Variants in SNTG1 observed in about 807,000 individuals in gnomAD.
SNTG1 encodes the protein gamma-1-syntrophin.
A neutral mutation model predicts 74.7 loss-of-function variants in SNTG1; 39 were observed. That is an observed-to-expected ratio of 0.52 (90% CI 0.40 to 0.68). SNTG1 has a LOEUF of 0.68. Among genes scored for constraint, SNTG1 ranks in the 30% least tolerant of loss-of-function variants. The pLI is 0.00. For missense variants in SNTG1, 685 were observed against 609.5 expected (o/e 1.12, Z -1.30); for synonymous variants, 254 against 217.1 (o/e 1.17, Z -1.49).
At chr8:50,652,193 A>C (rs1194046776) in intron 13 of SNTG1, among the ~76,000 whole-genome samples, 1 of 152,176 alleles carries the variant, frequency 6.6e-6, no homozygotes, top group African/African-American at 2.4e-5. Context: ...TTTGAATGGC[A>C]AAACGCATTT....
chr8:49,966,825 A>C (rs1278469884), intron 1 of SNTG1, among the ~76,000 whole-genome samples: 3 of 152,170 alleles, frequency 2.0e-5, no homozygotes, highest in Admixed American at 6.5e-5. Context: ...TATTTCCTTT[A>C]CTATATAGGC....
intron 1 of SNTG1, among the ~76,000 whole-genome samples, chr8:50,131,471 T>C (rs142653422): frequency 1.6e-3 from 250 of 152,282 alleles, no homozygotes; most frequent in African/African-American, 5.8e-3. Flanking sequence ...GTCCTTCAGG[T>C]TCATGGATGT....
chr8:50,487,671 A>T (rs935138985), intron 8 of SNTG1, among the ~76,000 whole-genome samples: 7 of 119,650 alleles, frequency 5.9e-5, no homozygotes, highest in African/African-American at 2.1e-4. Flanking sequence ...GGAATATCAC[A>T]CTCTGGGGAC....
chr8:50,089,947 C>T (rs1318114128), intron 1 of SNTG1, among the ~76,000 whole-genome samples: 1 of 152,148 alleles, frequency 6.6e-6, no homozygotes, highest in African/African-American at 2.4e-5. Context: ...GCTATAAAGA[C>T]ACATGCACAC....
At position 50,792,655 on chromosome 8, in the gene SNTG1, T is replaced by A; in HGVS notation, c.1396-16T>A. The A allele has an allele frequency of 6.3e-7, 1 of 1,598,686 alleles. No homozygotes were observed. Among genetic ancestry groups the A allele is most frequent in the Non-Finnish European group, 8.5e-7 (1 of 1,173,012 alleles). ...TAATTTTTATGTTATCTGACCTGTT[T>A]CTCTTTCCCTTTCAGGAGTTGGAAT... On this transcript the variant is annotated splice_polypyrimidine_tract_variant and intron_variant, in intron 18 of 18. Transcript: ENST00000642720.
intron 15 of SNTG1, among the ~76,000 whole-genome samples, chr8:50,677,799 T>C (rs901514203): frequency 6.6e-6 from 1 of 152,054 alleles, no homozygotes; most frequent in African/African-American, 2.4e-5. Flanking sequence ...TTAGAATATA[T>C]TTTTAATGAT....
intron 1 of SNTG1, among the ~76,000 whole-genome samples, chr8:50,034,188 C>T (rs1817963679): frequency 6.6e-6 from 1 of 152,116 alleles, no homozygotes; most frequent in South Asian, 2.1e-4. Context: ...CCTTCTCAAT[C>T]CAAATAAATT....
At chr8:50,256,743 C>T (rs1259997974) in intron 2 of SNTG1, among the ~76,000 whole-genome samples, 6 of 151,794 alleles carry the variant, frequency 4.0e-5, no homozygotes, top group Non-Finnish European at 8.8e-5. Context: ...AGACCCACTC[C>T]ACAACCATTT....
intron 2 of SNTG1, among the ~76,000 whole-genome samples, chr8:50,307,232 T>G (rs781363199): frequency 9.2e-5 from 14 of 152,078 alleles, no homozygotes; most frequent in Non-Finnish European, 1.9e-4. Context: ...TGTACATAAA[T>G]GTATGCAGGA....
Position 50,530,166 on chromosome 8 carries a change from G to T in SNTG1, c.467-11G>T, listed in dbSNP as rs1157128001. 1.6e-5 allele frequency: 26 copies of T among 1,612,952 alleles called. 1 individual carries two copies. The Admixed American group carries it at 4.0e-4, about 25-fold the overall frequency. On this transcript the variant is annotated splice_polypyrimidine_tract_variant and intron_variant, in intron 9 of 18. Coordinates refer to ENST00000642720, the MANE Select transcript of SNTG1 (RefSeq NM_018967.5). ...CTCACCAGTGGAATGTTATGATTTT[G>T]TCTCCTGCAGGTGCTCCAAGTGACC...
At chr8:50,262,404 GT>G (rs1299620327) in intron 2 of SNTG1, among the ~76,000 whole-genome samples, 5 of 151,920 alleles carry the variant, frequency 3.3e-5, no homozygotes, top group Non-Finnish European at 7.4e-5. Context: ...ACCAACATCT[GT>G]TTTTTTGTTT....
intron 12 of SNTG1, among the ~76,000 whole-genome samples, chr8:50,585,965 A>G (rs2094645642): frequency 6.6e-6 from 1 of 152,210 alleles, no homozygotes; most frequent in African/African-American, 2.4e-5. Context: ...TGTCCAATTG[A>G]TAAACACTAG....
At chr8:50,291,819 C>G (rs1037497122) in intron 2 of SNTG1, among the ~76,000 whole-genome samples, 1 of 152,026 alleles carries the variant, frequency 6.6e-6, no homozygotes, top group Non-Finnish European at 1.5e-5. Context: ...AAGTAGAAGG[C>G]ATAGTTAGGA....
intron 12 of SNTG1, among the ~76,000 whole-genome samples, chr8:50,583,950 G>C (rs1167179989): frequency 6.6e-6 from 1 of 151,910 alleles, no homozygotes; most frequent in Non-Finnish European, 1.5e-5. Flanking sequence ...AGGCCCCAGA[G>C]TGTGATGTTC....
intron 6 of SNTG1, 39 bp from the exon 7 acceptor site, chr8:50,450,517 A>G (rs777529430): frequency 6.2e-7 from 1 of 1,604,788 alleles, no homozygotes; most frequent in Non-Finnish European, 8.5e-7. Context: ...CATAACAAAA[A>G]CAGTCAATGC....
intron 5 of SNTG1, among the ~76,000 whole-genome samples, chr8:50,440,918 G>T (rs756898810): frequency 6.6e-6 from 1 of 152,176 alleles, no homozygotes; most frequent in Non-Finnish European, 1.5e-5. Context: ...AAAAAACTTG[G>T]TTAAAGGGTA....
chr8:49,958,174 G>A (rs1349566181), intron 1 of SNTG1, among the ~76,000 whole-genome samples: 1 of 152,064 alleles, frequency 6.6e-6, no homozygotes, highest in African/African-American at 2.4e-5. Flanking sequence ...AGATGCAGAG[G>A]CCCACAAAAG....
At chr8:50,393,040 G>T (rs1052693421) in intron 2 of SNTG1, among the ~76,000 whole-genome samples, 2 of 151,296 alleles carry the variant, frequency 1.3e-5, no homozygotes, top group African/African-American at 4.8e-5. Context: ...GAGACAAGAA[G>T]ATATTTACAG....
At chr8:49,958,967 T>G (rs1191078885) in intron 1 of SNTG1, among the ~76,000 whole-genome samples, 2 of 152,226 alleles carry the variant, frequency 1.3e-5, no homozygotes, top group Non-Finnish European at 2.9e-5. Flanking sequence ...CTTTTAAGCA[T>G]AAAATTACAT....
Sources: allele counts gnomAD v4.1 joint callset (sites outside exome capture counted in the v4.1 genomes callset), GRCh38; gene constraint gnomAD v4.1.1; transcripts MANE v1.5; gene names NCBI Gene and HGNC (gene_info 2026-07-23, HGNC 2026-07-21).